The following INPP4B variants were observed in gnomAD, a reference collection of about 807,000 sequenced individuals.
INPP4B encodes inositol polyphosphate 4-phosphatase type II.
INPP4B carries 55 observed loss-of-function variants against 122.5 expected under a neutral mutation model. The observed-to-expected ratio is 0.45, with a 90% CI of 0.36 to 0.56. The LOEUF is 0.56. INPP4B is among the 20% of genes least tolerant of loss of function. The probability of loss-of-function intolerance (pLI) is 0.00; values close to 1 mark genes in which losing one functional copy is unlikely to be tolerated. For synonymous variants in INPP4B, 403 were observed against 388.7 expected, an observed-to-expected ratio of 1.04 and a Z score of -0.43; for missense variants, 1,000 against 1,097.7, an observed-to-expected ratio of 0.91 and a Z score of 1.26.
intron 2 of INPP4B, among the ~76,000 whole-genome samples, chr4:142,548,999 T>C (rs1301981973): frequency 6.6e-6 from 1 of 152,050 alleles, no homozygotes; most frequent in Admixed American, 6.6e-5. Context: ...TTACACAATG[T>C]CAGAATGAAA....
rs576968374 is a variant in INPP4B at position 142,025,565 on chromosome 4, T to C, written c.*3217A>G. On this transcript the variant is annotated 3_prime_UTR_variant, in exon 26 of 26. Transcript: ENST00000262992. ...TCTTGGTACACTATCAACTTTTACA[T>C]AGGGAGAGGTTTGATTTGCTTGGGA... The C allele has an allele frequency of 1.3e-5, 2 of 152,284 alleles. No homozygotes were observed. Among genetic ancestry groups the C allele is most frequent in the East Asian group, 1.9e-4 (1 of 5,180 alleles). The allele number at this position is 152,284 out of a possible 1,614,324, so 9.4% of individuals were successfully genotyped here.
chr4:142,259,378 GA>G (rs915599442), intron 11 of INPP4B, among the ~76,000 whole-genome samples: 1,898 of 145,582 alleles, frequency 0.013, 9 homozygotes, highest in African/African-American at 0.025. Context: ...TAAAAAAAAA[GA>G]AAAAAAAAAG....
chr4:142,189,784 T>C (rs1267823936), intron 15 of INPP4B, among the ~76,000 whole-genome samples: 1 of 152,174 alleles, frequency 6.6e-6, no homozygotes, highest in Non-Finnish European at 1.5e-5. Flanking sequence ...AAGTGGGTGA[T>C]GAGGGTAGAC....
intron 21 of INPP4B, among the ~76,000 whole-genome samples, chr4:142,120,920 A>G (rs1796292675): frequency 6.6e-6 from 1 of 152,048 alleles, no homozygotes; most frequent in Non-Finnish European, 1.5e-5. Flanking sequence ...GGGTGTGCTA[A>G]GCTGCTCACT....
chr4:142,201,571 G>C (rs1158511052), intron 14 of INPP4B, among the ~76,000 whole-genome samples: 1 of 151,654 alleles, frequency 6.6e-6, no homozygotes, highest in African/African-American at 2.4e-5. Flanking sequence ...TTATTTCCTG[G>C]TCTCTTCAGC....
At chr4:142,317,596 T>C (rs1768215674) in intron 7 of INPP4B, 1 of 176,482 alleles carries the variant, frequency 5.7e-6, no homozygotes, top group Non-Finnish European at 1.3e-5. Flanking sequence ...TACAATTGCC[T>C]CTTTAAATGT....
intron 2 of INPP4B, among the ~76,000 whole-genome samples, chr4:142,625,221 A>T (rs1746064404): frequency 6.6e-6 from 1 of 152,046 alleles, no homozygotes; most frequent in Admixed American, 6.6e-5. Context: ...ATGATTGTAT[A>T]TCTAGAAAAC....
chr4:142,083,522 C>A (rs1322678978), intron 24 of INPP4B, among the ~76,000 whole-genome samples: 1 of 152,136 alleles, frequency 6.6e-6, no homozygotes, highest in Non-Finnish European at 1.5e-5. Flanking sequence ...TAAAATAGAT[C>A]TAATGTGATA....
intron 11 of INPP4B, among the ~76,000 whole-genome samples, chr4:142,248,333 TC>T (rs1730019805): frequency 1.7e-4 from 12 of 71,034 alleles, no homozygotes; most frequent in East Asian, 4.6e-4. Context: ...TCTCTCTCTC[TC>T]TCTTTTTTTT....
At chr4:142,564,101 G>A (rs566355463) in intron 2 of INPP4B, among the ~76,000 whole-genome samples, 18 of 152,270 alleles carry the variant, frequency 1.2e-4, no homozygotes, top group African/African-American at 3.8e-4. Context: ...GAAACTTCCC[G>A]CAAGTCAGTT....
intron 25 of INPP4B, among the ~76,000 whole-genome samples, chr4:142,041,596 C>A (rs942020079): frequency 6.6e-6 from 1 of 152,016 alleles, no homozygotes; most frequent in African/African-American, 2.4e-5. Flanking sequence ...CCAGCCTGGG[C>A]AACAAGAGCA....
chr4:142,147,594 T>A (rs562505109), intron 17 of INPP4B, among the ~76,000 whole-genome samples: 1 of 152,304 alleles, frequency 6.6e-6, no homozygotes, highest in South Asian at 2.1e-4. Context: ...GGGAGCCAAA[T>A]GCTGTGTTTT....
At chr4:142,791,516 C>T (rs79830975) in intron 1 of INPP4B, among the ~76,000 whole-genome samples, 4,573 of 152,082 alleles carry the variant, frequency 0.03, 83 homozygotes, top group Non-Finnish European at 0.041. Flanking sequence ...ATTAGAATGA[C>T]GCAGTTTATT....
At chr4:142,111,016 C>T (rs1789751533) in intron 22 of INPP4B, among the ~76,000 whole-genome samples, 2 of 152,066 alleles carry the variant, frequency 1.3e-5, no homozygotes, top group South Asian at 4.1e-4. Context: ...TTGTATAGTT[C>T]ATGCTCAGGA....
rs1836698906 is a variant in INPP4B at position 142,193,072 on chromosome 4, C to T, written c.1181+15G>A. 2.7e-6 allele frequency: 4 copies of T among 1,467,580 alleles called. No individual in the cohort carries two copies. Among genetic ancestry groups the T allele is most frequent in the Non-Finnish European group, 3.8e-6 (4 of 1,046,722 alleles). The allele number at this position is 1,467,580 out of a possible 1,614,324, so 90.9% of individuals were successfully genotyped here. ...TTATTAATGGAATCTGTGCTTTCCT[C>T]CTGTCTTTACTTACTTTCTTCTTTC... is the stretch of plus-strand genomic sequence containing the variant. On this transcript the variant is annotated intron_variant, in intron 15 of 25. Coordinates refer to ENST00000262992, the MANE Select transcript of INPP4B (RefSeq NM_001101669.3).
intron 7 of INPP4B, among the ~76,000 whole-genome samples, chr4:142,341,496 T>C (rs1778682442): frequency 6.6e-6 from 1 of 152,032 alleles, no homozygotes; most frequent in East Asian, 1.9e-4. Flanking sequence ...AGCAGAGAGA[T>C]CTTAGGGTGG....
Position 142,024,654 on chromosome 4 carries a change from T to C in INPP4B, c.*4128A>G, listed in dbSNP as rs543015437. 3 of 152,286 alleles carry C rather than the reference T, an allele frequency of 2.0e-5. No individual in the cohort carries two copies. The South Asian group carries it at 6.2e-4, about 32-fold the overall frequency. 9.4% of individuals were successfully genotyped at this position (152,286 alleles called of 1,614,324 possible). ...TAGCATAGTGCCAGAGTGTAATTTG[T>C]TTAATGTAACAGTTTTGGTTTCAAT... On this transcript the variant is annotated 3_prime_UTR_variant, in exon 26 of 26. Transcript: ENST00000262992.
At chr4:142,441,911 C>T (rs1379045668) in intron 3 of INPP4B, among the ~76,000 whole-genome samples, 4 of 147,918 alleles carry the variant, frequency 2.7e-5, no homozygotes, top group Non-Finnish European at 5.9e-5. Context: ...TAGAATTGAA[C>T]ATTAAGGAGA....
At chr4:142,138,895 C>G (rs2152819830) in intron 18 of INPP4B, among the ~76,000 whole-genome samples, 1 of 152,326 alleles carries the variant, frequency 6.6e-6, no homozygotes. Flanking sequence ...GACACCTCAT[C>G]TGAGAGTAAT....
Sources: allele counts gnomAD v4.1 joint callset (sites outside exome capture counted in the v4.1 genomes callset), GRCh38; gene constraint gnomAD v4.1.1; transcripts MANE v1.5; gene names NCBI Gene and HGNC (gene_info 2026-07-23, HGNC 2026-07-21).